The following PHEX variants were observed in gnomAD, a reference collection of about 807,000 sequenced individuals.
PHEX encodes phosphate regulating endopeptidase X-linked.
PHEX carries 16 observed loss-of-function variants against 68.0 expected under a neutral mutation model. The observed-to-expected ratio is 0.24, with a 90% confidence interval of 0.16 to 0.36. The LOEUF (loss-of-function observed/expected upper bound fraction) is 0.36. Ranked by LOEUF, PHEX falls within the 10% of genes least tolerant of loss-of-function variation. The pLI, the probability that PHEX is intolerant of heterozygous loss-of-function variation, is 1.00. For missense variants in PHEX, 480 were observed against 575.5 expected (o/e 0.83, Z 1.70); for synonymous variants, 208 against 205.1 (o/e 1.01, Z -0.12).
At chrX:22,212,790 C>G in intron 15 of PHEX, 114 bp from the exon 16 acceptor site, 1 of 584,505 alleles carries the variant, frequency 1.7e-6, no homozygotes, top group Non-Finnish European at 3.1e-6. Context: ...GCTCCCAGTG[C>G]CAGGAGGAGT....
At chrX:22,036,280 G>A (rs1471993837) in intron 1 of PHEX, among the ~76,000 whole-genome samples, 2 of 108,130 alleles carry the variant, frequency 1.8e-5, no homozygotes, top group Non-Finnish European at 3.8e-5. Context: ...GGCTGGTCTC[G>A]AACTCCTGAC....
intron 19 of PHEX, among the ~76,000 whole-genome samples, 176 bp from the exon 20 acceptor site, chrX:22,227,330 TG>T: frequency 8.9e-6 from 1 of 112,943 alleles, no homozygotes; most frequent in South Asian, 3.6e-4. Flanking sequence ...AAGGCCTTTT[TG>T]CAGGTGTACC....
chrX:22,209,521 T>A (rs187070393), intron 15 of PHEX, among the ~76,000 whole-genome samples: 1 of 110,313 alleles, frequency 9.1e-6, no homozygotes, highest in South Asian at 3.9e-4. Flanking sequence ...TTAATGGCAT[T>A]TAAAGCATTA....
At chrX:22,052,651 C>T (rs765122648) in intron 3 of PHEX, among the ~76,000 whole-genome samples, 1 of 111,789 alleles carries the variant, frequency 8.9e-6, no homozygotes, top group African/African-American at 3.2e-5. Context: ...AATCCTGATT[C>T]CCTTTCATTT....
At chrX:22,094,862 A>G (rs1279432903) in intron 7 of PHEX, among the ~76,000 whole-genome samples, 1 of 112,300 alleles carries the variant, frequency 8.9e-6, no homozygotes, top group Non-Finnish European at 1.9e-5. Context: ...ACTTTTTTCT[A>G]GAAGAAAGAA....
chrX:22,115,187 T>C (rs1602307826), intron 11 of PHEX, among the ~76,000 whole-genome samples: 1 of 111,187 alleles, frequency 9.0e-6, no homozygotes, highest in Non-Finnish European at 1.9e-5. Flanking sequence ...AAAATTTATC[T>C]GGGCGTGGTG....
At chrX:22,201,010 A>T (rs762308297) in intron 15 of PHEX, among the ~76,000 whole-genome samples, 1 of 112,027 alleles carries the variant, frequency 8.9e-6, no homozygotes, top group African/African-American at 3.2e-5. Context: ...CTAGCTTAAA[A>T]GGAGTATTTA....
At chrX:22,229,349 C>G (rs892035206) in intron 20 of PHEX, among the ~76,000 whole-genome samples, 8 of 111,980 alleles carry the variant, frequency 7.1e-5, no homozygotes, top group Non-Finnish European at 1.5e-4. Context: ...CTAATTTACA[C>G]TCCCACCAAC....
chrX:22,224,986 T>TGTATGTTTTATTATCATACAGCG (rs1260080448), intron 18 of PHEX, among the ~76,000 whole-genome samples: 1 of 43,505 alleles, frequency 2.3e-5, no homozygotes, highest in Non-Finnish European at 4.6e-5. Context: ...ATCATACAGC[T>TGTATGTTTTATTATCATACAGCG]CTGTATGTCA....
At chrX:22,038,028 G>A (rs1404793501) in intron 1 of PHEX, among the ~76,000 whole-genome samples, 2 of 111,352 alleles carry the variant, frequency 1.8e-5, no homozygotes, top group Non-Finnish European at 3.8e-5. Flanking sequence ...AGCGACTTTA[G>A]AGAGTGTCTC....
chrX:22,153,594 C>T (rs1416010245), intron 12 of PHEX, among the ~76,000 whole-genome samples: 1 of 111,059 alleles, frequency 9.0e-6, no homozygotes, highest in Non-Finnish European at 1.9e-5. Flanking sequence ...CCCTCTTTTC[C>T]CACCCTCCCT....
intron 20 of PHEX, among the ~76,000 whole-genome samples, chrX:22,228,659 T>TTATTTGATGCATCTGTCCTCAATTTTAC (rs1935595002): frequency 1.8e-5 from 2 of 108,351 alleles, no homozygotes; most frequent in African/African-American, 3.3e-5. Context: ...TTCTTAGGTC[T>TTATTTGATGCATCTGTCCTCAATTTTAC]TATTTGATGC....
chrX:22,160,298 C>T (rs930659150), intron 12 of PHEX, among the ~76,000 whole-genome samples: 10 of 111,410 alleles, frequency 9.0e-5, no homozygotes, highest in African/African-American at 2.9e-4. Context: ...CCTGTAATCC[C>T]AGCACTTTGG....
intron 12 of PHEX, among the ~76,000 whole-genome samples, chrX:22,146,557 C>T (rs1932704162): frequency 8.9e-6 from 1 of 112,080 alleles, no homozygotes; most frequent in South Asian, 3.7e-4. Flanking sequence ...TGGCTCACAT[C>T]TGTAATCTCA....
At chrX:22,088,498 A>G (rs1929717653) in intron 5 of PHEX, among the ~76,000 whole-genome samples, 1 of 110,938 alleles carries the variant, frequency 9.0e-6, no homozygotes, top group African/African-American at 3.3e-5. Flanking sequence ...TTCCATTTTA[A>G]CAGATCTATG....
intron 15 of PHEX, among the ~76,000 whole-genome samples, chrX:22,211,901 A>C (rs183979661): frequency 8.9e-6 from 1 of 111,942 alleles, no homozygotes; most frequent in East Asian, 2.8e-4. Flanking sequence ...ATTGGATCTC[A>C]TGAGACTTAT....
chrX:22,226,427 T>C lies in PHEX; in HGVS notation c.1900-16T>C. On this transcript the variant is annotated splice_polypyrimidine_tract_variant and intron_variant, in intron 18 of 21. Coordinates refer to ENST00000379374, the MANE Select transcript of PHEX (RefSeq NM_000444.6). ...CACGCATTCATTTTTTTTTTTTCCT[T>C]TTTTCTTTCTGTTAGGTCAAGGGGA... The C allele has an allele frequency of 8.5e-7, 1 of 1,181,925 alleles. No individual in the cohort carries two copies. The highest frequency in any genetic ancestry group is 1.2e-6 in the Non-Finnish European group (1 of 869,400).
At chrX:22,113,946 T>C (rs887888193) in intron 10 of PHEX, among the ~76,000 whole-genome samples, 6 of 92,215 alleles carry the variant, frequency 6.5e-5, no homozygotes, top group East Asian at 3.3e-4. Flanking sequence ...TCTTCTTCTT[T>C]TTTTTTTTTT....
At chrX:22,197,667 C>T (rs181643943) in intron 15 of PHEX, among the ~76,000 whole-genome samples, 16 of 111,577 alleles carry the variant, frequency 1.4e-4, no homozygotes, top group African/African-American at 5.2e-4. Context: ...TGTTTCCAAA[C>T]TCCTGACCCA....
Sources: allele counts gnomAD v4.1 joint callset (sites outside exome capture counted in the v4.1 genomes callset), GRCh38; gene constraint gnomAD v4.1.1; transcripts MANE v1.5; gene names NCBI Gene and HGNC (gene_info 2026-07-23, HGNC 2026-07-21).